The following PCSK5 variants were observed in gnomAD, a reference collection of about 807,000 sequenced individuals.
The protein encoded by PCSK5 is proprotein convertase subtilisin/kexin type 5.
In PCSK5, 129 loss-of-function variants were observed where a neutral mutation model predicts 233.2. The observed-to-expected ratio is 0.55, with a 90% confidence interval of 0.48 to 0.64. The LOEUF is 0.64. PCSK5 is among the 30% of genes least tolerant of loss of function. PCSK5 has a pLI of 0.00. For missense variants in PCSK5, 2,076 were observed against 2,430.1 expected (o/e 0.85, Z 3.06); for synonymous variants, 825 against 879.2 (o/e 0.94, Z 1.09).
chr9:75,997,401 T>C (rs1827065631), intron 3 of PCSK5, among the ~76,000 whole-genome samples: 1 of 152,212 alleles, frequency 6.6e-6, no homozygotes, highest in Non-Finnish European at 1.5e-5. Flanking sequence ...GGGGAGAAAG[T>C]ATTAACCATC....
intron 2 of PCSK5, among the ~76,000 whole-genome samples, chr9:75,955,177 T>A (rs1825038946): frequency 1.3e-5 from 2 of 152,164 alleles, no homozygotes; most frequent in Non-Finnish European, 2.9e-5. Flanking sequence ...CCTCTCTTTC[T>A]AGGAAACAGA....
In PCSK5 at chr9:76,201,200, A is replaced by T. The variant is rs191183196; in HGVS notation, c.2626+11454A>T. Among the ~76,000 whole-genome samples, 22 of 152,316 alleles carry T rather than the reference A, an allele frequency of 1.4e-4. No individual in the cohort carries two copies. In the East Asian group the frequency reaches 4.2e-3, roughly 29 times the overall value. On this transcript the variant is annotated intron_variant, in intron 20 of 37. Transcript: ENST00000674117. ...AGTACCATCTTTTTCTCCTAAGAGA[A>T]GATCCCCTAGCCCTCTAAACTGTCA...
intron 7 of PCSK5, among the ~76,000 whole-genome samples, chr9:76,091,697 G>T (rs1462833787): frequency 6.6e-6 from 1 of 152,084 alleles, no homozygotes; most frequent in Non-Finnish European, 1.5e-5. Context: ...GCTCAGGTAT[G>T]CATTCACCAG....
chr9:76,068,719 C>A (rs1231133813), intron 6 of PCSK5, among the ~76,000 whole-genome samples: 1 of 152,104 alleles, frequency 6.6e-6, no homozygotes, highest in Non-Finnish European at 1.5e-5. Context: ...TCTTTGTAAG[C>A]AACAGCCTGG....
chr9:76,106,129 C>T (rs1831969222), intron 8 of PCSK5, among the ~76,000 whole-genome samples: 1 of 152,204 alleles, frequency 6.6e-6, no homozygotes, highest in African/African-American at 2.4e-5. Context: ...TCCCCCTTCA[C>T]CTTTCTGGGA....
intron 1 of PCSK5, among the ~76,000 whole-genome samples, chr9:75,902,400 G>C (rs1268352364): frequency 1.3e-5 from 2 of 151,982 alleles, no homozygotes; most frequent in Non-Finnish European, 2.9e-5. Flanking sequence ...GGCCAAAATA[G>C]GACTACTGGA....
chr9:75,903,574 G>GTGTGTGTATA (rs1356262180), intron 1 of PCSK5, among the ~76,000 whole-genome samples: 3 of 115,446 alleles, frequency 2.6e-5, no homozygotes, highest in African/African-American at 9.1e-5. Context: ...GTGTGTGTGT[G>GTGTGTGTATA]TATATATATA....
intron 30 of PCSK5, among the ~76,000 whole-genome samples, chr9:76,315,388 G>T (rs1045933754): frequency 1.3e-5 from 2 of 152,146 alleles, no homozygotes; most frequent in Admixed American, 6.5e-5. Flanking sequence ...CACTGTCTTG[G>T]TGTCTGTGAA....
intron 24 of PCSK5, among the ~76,000 whole-genome samples, chr9:76,262,344 G>T (rs945836980): frequency 3.9e-5 from 6 of 152,154 alleles, no homozygotes; most frequent in Admixed American, 1.3e-4. Flanking sequence ...AAAGAACAAA[G>T]CTGGAGGCAT....
chr9:76,345,155 G>A (rs1168009576), intron 35 of PCSK5, among the ~76,000 whole-genome samples: 2 of 151,624 alleles, frequency 1.3e-5, no homozygotes, highest in Non-Finnish European at 2.9e-5. Context: ...GTATTTCCCA[G>A]TGTCTATTGT....
At chr9:76,040,200 G>A (rs770386606) in intron 5 of PCSK5, among the ~76,000 whole-genome samples, 5 of 152,128 alleles carry the variant, frequency 3.3e-5, no homozygotes, top group Non-Finnish European at 7.4e-5. Flanking sequence ...AGCTGAAAAC[G>A]GTTAACACTC....
chr9:76,359,098 T>G lies in PCSK5; in HGVS notation c.*176T>G, dbSNP rs1036945541. Reference sequence around the variant, plus strand: ...TGAAATACTTTGTTCTTCTTTTGAGTGGCTAAACTCAATTAACAGTTCCTG... The same window carrying G: ...TGAAATACTTTGTTCTTCTTTTGAGGGGCTAAACTCAATTAACAGTTCCTG... On this transcript the variant is annotated 3_prime_UTR_variant, in exon 38 of 38. Transcript: ENST00000674117. 5.0e-6 allele frequency: 3 copies of G among 595,710 alleles called. No individual in the cohort carries two copies. Among genetic ancestry groups the G allele is most frequent in the Non-Finnish European group, 8.9e-6 (3 of 337,608 alleles). The allele number at this position is 595,710 out of a possible 1,614,324, so 36.9% of individuals were successfully genotyped here. A position where few individuals can be genotyped will look rare whatever the true frequency, so the allele number is the denominator to read the frequency against.
intron 28 of PCSK5, among the ~76,000 whole-genome samples, chr9:76,304,424 T>C (rs1180560046): frequency 6.6e-6 from 1 of 152,088 alleles, no homozygotes; most frequent in Non-Finnish European, 1.5e-5. Context: ...GCCACCCAGG[T>C]ATGAAACCAG....
chr9:76,350,895 G>A lies in PCSK5; in HGVS notation c.5034G>A (p.Ser1678=), dbSNP rs780332891. 101 of 1,607,344 alleles carry A rather than the reference G, an allele frequency of 6.3e-5. No homozygotes were observed. The highest frequency in any genetic ancestry group is 7.9e-5 in the Non-Finnish European group (93 of 1,175,634). The change falls in exon 36 of 38, where the codon TCG becomes TCA. Residue 1678 remains serine, a synonymous_variant. Transcript: ENST00000674117. ...ACCTCATGGGAGGGATCTGCACCTC[G>A]GACTGTCTTGTGGGGGAATACAGAG... ...SYHLMGGICT[S]DCLVGEYRVG...
intron 5 of PCSK5, among the ~76,000 whole-genome samples, chr9:76,049,389 T>C (rs1384592688): frequency 6.6e-6 from 1 of 152,252 alleles, no homozygotes; most frequent in Non-Finnish European, 1.5e-5. Flanking sequence ...ATAATGTTGA[T>C]AGTCTCCCAA....
intron 10 of PCSK5, among the ~76,000 whole-genome samples, chr9:76,136,278 G>C (rs1406590273): frequency 6.6e-6 from 1 of 152,044 alleles, no homozygotes; most frequent in Middle Eastern, 3.4e-3. Context: ...CCTCCCTAGA[G>C]TCCCACAGAT....
At chr9:76,104,107 A>G (rs1831880197) in intron 8 of PCSK5, among the ~76,000 whole-genome samples, 1 of 152,160 alleles carries the variant, frequency 6.6e-6, no homozygotes, top group Admixed American at 6.5e-5. Context: ...TTTTTCTTCA[A>G]GATTGCCTGC....
In PCSK5 at chr9:76,179,042, T is replaced by C. The variant is rs192239227; in HGVS notation, c.1901-554T>C. Among the ~76,000 whole-genome samples the C allele has an allele frequency of 1.0e-3, 154 of 152,332 alleles. 1 individual carries two copies. The East Asian group carries it at 0.022, about 22-fold the overall frequency. On this transcript the variant is annotated intron_variant, in intron 14 of 37. Transcript: ENST00000674117. The stretch of plus-strand genomic sequence containing the variant: ...ATTGCCCATTGGCCTTTGTGTAGGA[T>C]GCAATTTTAAATCTATTATCTGTGT...
rs1481218225 is a variant in PCSK5, at chr9:76,001,064, T to G, written c.411+14819T>G. Among the ~76,000 whole-genome samples, 3 of 152,112 alleles carry G rather than the reference T, an allele frequency of 2.0e-5. No homozygotes were observed. In the East Asian group the frequency reaches 5.8e-4, roughly 29 times the overall value. On this transcript the variant is annotated intron_variant, in intron 3 of 37. Coordinates refer to ENST00000674117, the MANE Select transcript of PCSK5 (RefSeq NM_001372043.1). ...ATAGCCCATGAATTTATACAGATAT[T>G]TTCAATTTAAAATCAATTCAGTTTT...
Sources: allele counts gnomAD v4.1 joint callset (sites outside exome capture counted in the v4.1 genomes callset), GRCh38; gene constraint gnomAD v4.1.1; transcripts MANE v1.5; gene names NCBI Gene and HGNC (gene_info 2026-07-23, HGNC 2026-07-21).